The following C1orf146 variants were observed in gnomAD, a reference collection of about 807,000 sequenced individuals.
The protein encoded by C1orf146 is protein SPO16 homolog.
Under a neutral mutation model 23.0 loss-of-function variants are expected in C1orf146, and 22 were observed. That is an observed-to-expected ratio of 0.96 (90% confidence interval 0.68 to 1.36). C1orf146 has a LOEUF of 1.36. Ranked by LOEUF, C1orf146 falls within the 40% of genes most tolerant of loss-of-function variation. C1orf146 has a pLI of 0.00. For synonymous variants in C1orf146, 59 were observed against 65.3 expected (o/e 0.90, Z 0.47); for missense variants, 199 against 206.8 (o/e 0.96, Z 0.23).
rs542493724 is a variant in C1orf146, at chr1:92,233,802, G to A, written c.66+2316G>A. Among the ~76,000 whole-genome samples the A allele has an allele frequency of 2.0e-5, 3 of 152,276 alleles. No homozygotes were observed. In the South Asian group the frequency reaches 6.2e-4, roughly 32 times the overall value. On this transcript the variant is annotated intron_variant, in intron 2 of 5. Transcript: ENST00000370375. ...TAATTTCATTGAGCAGTGGTTTGTA[G>A]TTCTCCTTGAAGAGGTCCTTCACAT...
intron 2 of C1orf146, among the ~76,000 whole-genome samples, chr1:92,234,979 G>T (rs1432035396): frequency 6.6e-6 from 1 of 152,110 alleles, no homozygotes; most frequent in Non-Finnish European, 1.5e-5. Context: ...ATTTTTTATT[G>T]TGTCTATTTG....
rs756596328 is a variant in C1orf146 at position 92,245,686 on chromosome 1, A to G, written c.*12A>G. 38 of 1,512,958 alleles carry G rather than the reference A, an allele frequency of 2.5e-5. No homozygotes were observed. Among genetic ancestry groups the G allele is most frequent in the Non-Finnish European group, 3.2e-5 (36 of 1,127,940 alleles). 93.7% of individuals were successfully genotyped at this position (1,512,958 alleles called of 1,614,324 possible). A position where few individuals can be genotyped will look rare whatever the true frequency, so the allele number is the denominator to read the frequency against. On this transcript the variant is annotated 3_prime_UTR_variant, in exon 6 of 6. Coordinates refer to ENST00000370375, the MANE Select transcript of C1orf146 (RefSeq NM_001012425.2). ...TTAACCCAAATTAGAGTACCAACTT[A>G]ATGTTTTTCTCGAAGAATGTGAAAA... is the stretch of plus-strand genomic sequence containing the variant.
At chr1:92,235,709 G>C (rs1398162353) in intron 2 of C1orf146, among the ~76,000 whole-genome samples, 2 of 152,108 alleles carry the variant, frequency 1.3e-5, no homozygotes, top group South Asian at 2.1e-4. Context: ...TGACAGTGGG[G>C]TGTTAAAGTC....
At chr1:92,229,671 T>A (rs1467232471) in intron 1 of C1orf146, among the ~76,000 whole-genome samples, 1 of 152,204 alleles carries the variant, frequency 6.6e-6, no homozygotes, top group Non-Finnish European at 1.5e-5. Context: ...AAAAGATTGA[T>A]AAATTTGACT....
chr1:92,231,459 C>T lies in C1orf146; in HGVS notation c.39C>T (p.Thr13=), dbSNP rs770267047. ...GAAAAGAAAAAATAAAATGGACAAC[C>T]ACCATTATTATTAGCTCATCTCTTA... is the stretch of plus-strand genomic sequence containing the variant. ...ESGKEKIKWT[T]TIIISSSLKS... is the part of the protein sequence containing the mutation. Residue 13 remains threonine (T), a synonymous_variant, in exon 2 of 6, where the codon ACC becomes ACT. Coordinates refer to ENST00000370375, the MANE Select transcript of C1orf146 (RefSeq NM_001012425.2). 76 of 1,611,040 alleles carry T rather than the reference C, an allele frequency of 4.7e-5. 1 individual carries two copies. In the South Asian group the frequency reaches 7.8e-4, roughly 17 times the overall value.
chr1:92,241,141 T>C (rs1652421447), intron 2 of C1orf146, among the ~76,000 whole-genome samples: 1 of 151,448 alleles, frequency 6.6e-6, no homozygotes, highest in Admixed American at 6.6e-5. Context: ...ACCACCTATT[T>C]TCCATAGTTA....
intron 2 of C1orf146, among the ~76,000 whole-genome samples, chr1:92,232,522 G>C (rs569328732): frequency 2.7e-4 from 41 of 152,116 alleles, no homozygotes; most frequent in African/African-American, 9.2e-4. Context: ...TTGGACATTT[G>C]GGTTGGTTCC....
intron 1 of C1orf146, among the ~76,000 whole-genome samples, chr1:92,222,969 AT>A (rs1209965245): frequency 6.6e-6 from 1 of 151,898 alleles, no homozygotes; most frequent in East Asian, 1.9e-4. Flanking sequence ...TTCCTTCATA[AT>A]TTTTTAGAGT....
chr1:92,234,766 T>C (rs1652233358), intron 2 of C1orf146, among the ~76,000 whole-genome samples: 2 of 152,248 alleles, frequency 1.3e-5, no homozygotes, highest in Non-Finnish European at 2.9e-5. Flanking sequence ...TGGTAAGCTA[T>C]GGATTATTGC....
intron 2 of C1orf146, among the ~76,000 whole-genome samples, chr1:92,237,891 C>T (rs1652335097): frequency 6.6e-6 from 1 of 152,042 alleles, no homozygotes; most frequent in Admixed American, 6.6e-5. Context: ...CCTGTTTTTA[C>T]TTACATTTTC....
chr1:92,237,567 G>A (rs553588749), intron 2 of C1orf146, among the ~76,000 whole-genome samples: 2 of 152,318 alleles, frequency 1.3e-5, no homozygotes, highest in South Asian at 4.1e-4. Context: ...ATCCACTTGA[G>A]GAGGCAGTCT....
chr1:92,244,127 A>T, intron 3 of C1orf146, 90 bp from the exon 4 acceptor site: 1 of 698,570 alleles, frequency 1.4e-6, no homozygotes, highest in Non-Finnish European at 2.3e-6. Context: ...CACATGTGGT[A>T]TACTTAGTTA....
intron 1 of C1orf146, among the ~76,000 whole-genome samples, chr1:92,224,510 G>A (rs1651918887): frequency 6.6e-6 from 1 of 152,056 alleles, no homozygotes; most frequent in Non-Finnish European, 1.5e-5. Context: ...TTTACATGTA[G>A]GCCTATGATT....
intron 1 of C1orf146, among the ~76,000 whole-genome samples, chr1:92,221,440 A>G (rs1651815428): frequency 6.6e-6 from 1 of 152,208 alleles, no homozygotes; most frequent in Non-Finnish European, 1.5e-5. Flanking sequence ...ATCACACAAT[A>G]TACCCATGAA....
At chr1:92,218,877 GA>G (rs1651750956) in intron 1 of C1orf146, among the ~76,000 whole-genome samples, 1 of 152,160 alleles carries the variant, frequency 6.6e-6, no homozygotes, top group South Asian at 2.1e-4. Context: ...CTTTTCCCCA[GA>G]AATGCTGAGA....
intron 2 of C1orf146, among the ~76,000 whole-genome samples, chr1:92,240,289 T>TA (rs1384365864): frequency 6.6e-6 from 1 of 152,206 alleles, no homozygotes. Context: ...TACTTGCTCA[T>TA]ATATTTGAAT....
intron 1 of C1orf146, among the ~76,000 whole-genome samples, chr1:92,227,496 G>A (rs1256269444): frequency 3.3e-5 from 5 of 151,982 alleles, no homozygotes; most frequent in South Asian, 2.1e-4. Flanking sequence ...CCGAGATCAC[G>A]CCACTGCACT....
chr1:92,245,598 A>G lies in C1orf146; in HGVS notation c.467A>G (p.Tyr156Cys), dbSNP rs1319610716. 3 of 1,599,058 alleles carry G rather than the reference A, an allele frequency of 1.9e-6. No individual in the cohort carries two copies. The East Asian group carries it at 6.8e-5, about 36-fold the overall frequency. The change falls in exon 6 of 6, where the codon TAC becomes TGC. Residue 156 changes from tyrosine (Y) to cysteine (C), a missense_variant. Physicochemically the swap from Tyr to Cys is radical, Grantham distance 194. Transcript: ENST00000370375. ...ICYRMITAKA[Y>C]IIEQSPVWKT... ...TACAGAATGATAACAGCTAAAGCTTACATCATTGAGCAAAGTCCTGTTTGG... is the reference window on the plus strand; with the variant it reads ...TACAGAATGATAACAGCTAAAGCTTGCATCATTGAGCAAAGTCCTGTTTGG...
At chr1:92,233,189 C>G (rs940146798) in intron 2 of C1orf146, among the ~76,000 whole-genome samples, 2 of 152,174 alleles carry the variant, frequency 1.3e-5, no homozygotes, top group African/African-American at 2.4e-5. Flanking sequence ...TTGCCCATGC[C>G]TATGTCTTGG....
Sources: gnomAD v4.1 joint callset for allele counts (sites outside exome capture counted in the v4.1 genomes callset) on GRCh38, gnomAD v4.1.1 for gene constraint, MANE v1.5 for transcripts, NCBI Gene and HGNC (gene_info 2026-07-23, HGNC 2026-07-21) for gene names.